Variants in SPAG17 observed in about 807,000 individuals in gnomAD.
SPAG17 encodes the protein sperm-associated antigen 17.
SPAG17 carries 169 observed loss-of-function variants against 273.6 expected under a neutral mutation model. That is an observed-to-expected ratio of 0.62 (90% CI 0.55 to 0.70). The LOEUF (loss-of-function observed/expected upper bound fraction) is 0.70, where lower values mean the gene tolerates loss of function less well. SPAG17 is among the 30% of genes least tolerant of loss of function. The pLI is 0.00. For missense variants in SPAG17, 2,557 were observed against 2,627.8 expected (o/e 0.97, Z 0.59); for synonymous variants, 825 against 873.2 (o/e 0.94, Z 0.97).
chr1:118,016,593 T>C (rs1166925509), intron 28 of SPAG17, among the ~76,000 whole-genome samples: 2 of 152,222 alleles, frequency 1.3e-5, no homozygotes, highest in African/African-American at 2.4e-5. Flanking sequence ...TTTGACATAT[T>C]GGACTATAAC....
intron 3 of SPAG17, among the ~76,000 whole-genome samples, chr1:118,134,146 A>G (rs1263986210): frequency 1.3e-5 from 2 of 152,244 alleles, no homozygotes; most frequent in Non-Finnish European, 2.9e-5. Context: ...CAGTAATTCT[A>G]CTTTATGAAA....
chr1:118,088,911 C>A (rs961662926), intron 10 of SPAG17, among the ~76,000 whole-genome samples: 22 of 152,116 alleles, frequency 1.4e-4, no homozygotes, highest in African/African-American at 5.1e-4. Context: ...AGATAGAAGA[C>A]TTTCTTAGAA....
chr1:118,046,522 T>C (rs543459754), intron 20 of SPAG17, among the ~76,000 whole-genome samples: 1 of 152,098 alleles, frequency 6.6e-6, no homozygotes, highest in South Asian at 2.1e-4. Flanking sequence ...TAAATTATAC[T>C]GAAATTAAGT....
chr1:118,109,266 C>T (rs1467749665), intron 4 of SPAG17, among the ~76,000 whole-genome samples: 1 of 150,164 alleles, frequency 6.7e-6, no homozygotes, highest in African/African-American at 2.5e-5. Context: ...CTAATGTAGG[C>T]TGGGTGTGGT....
chr1:118,157,374 T>G (rs1659706267), intron 1 of SPAG17, among the ~76,000 whole-genome samples: 1 of 152,152 alleles, frequency 6.6e-6, no homozygotes, highest in Non-Finnish European at 1.5e-5. Flanking sequence ...ATTAAGAGTC[T>G]GCTGATGTTG....
At chr1:118,146,929 T>C (rs1570776103) in intron 3 of SPAG17, among the ~76,000 whole-genome samples, 1 of 152,268 alleles carries the variant, frequency 6.6e-6, no homozygotes, top group African/African-American at 2.4e-5. Flanking sequence ...CAAATGGCAA[T>C]GTTTCCACAA....
intron 42 of SPAG17, among the ~76,000 whole-genome samples, chr1:117,983,575 T>C (rs947828756): frequency 2.6e-5 from 4 of 152,250 alleles, no homozygotes; most frequent in African/African-American, 7.2e-5. Context: ...ATTACTTCCT[T>C]GCTTTTTAAA....
intron 18 of SPAG17, among the ~76,000 whole-genome samples, chr1:118,066,512 G>A (rs1425992633): frequency 6.6e-6 from 1 of 152,160 alleles, no homozygotes; most frequent in East Asian, 1.9e-4. Context: ...GATTCCACGA[G>A]GGCAAGAATG....
At chr1:118,135,109 C>T (rs1658264644) in intron 3 of SPAG17, among the ~76,000 whole-genome samples, 1 of 152,162 alleles carries the variant, frequency 6.6e-6, no homozygotes, top group Non-Finnish European at 1.5e-5. Flanking sequence ...ACACAAATTA[C>T]CCAGATCTTT....
intron 4 of SPAG17, among the ~76,000 whole-genome samples, chr1:118,111,416 G>A (rs568433309): frequency 1.3e-5 from 2 of 152,086 alleles, no homozygotes; most frequent in African/African-American, 4.8e-5. Context: ...GAAACCACAC[G>A]GGTCCTTCTA....
Position 118,125,346 on chromosome 1 carries a change from T to C in SPAG17, c.316-9905A>G, listed in dbSNP as rs146058492. Among the ~76,000 whole-genome samples the C allele has an allele frequency of 4.2e-3, 641 of 152,264 alleles. 4 individuals carry two copies. Among genetic ancestry groups the C allele is most frequent in the African/African-American group, 0.015 (609 of 41,532 alleles). Reference sequence around the variant, plus strand: ...ATTAAATCAGGGTAATTAGCATATCTATCACCTCAAACACTTATCATTTCT... The same window carrying C: ...ATTAAATCAGGGTAATTAGCATATCCATCACCTCAAACACTTATCATTTCT... On this transcript the variant is annotated intron_variant, in intron 3 of 48. Coordinates refer to ENST00000336338, the MANE Select transcript of SPAG17 (RefSeq NM_206996.4).
chr1:118,162,716 G>C (rs1268240953), intron 1 of SPAG17, among the ~76,000 whole-genome samples: 1 of 152,110 alleles, frequency 6.6e-6, no homozygotes, highest in Non-Finnish European at 1.5e-5. Context: ...GAATAACATG[G>C]AGCCCAAATT....
chr1:118,022,664 T>C (rs979800469), intron 28 of SPAG17, among the ~76,000 whole-genome samples: 3 of 152,186 alleles, frequency 2.0e-5, no homozygotes, highest in Non-Finnish European at 4.4e-5. Context: ...GCAGACACTG[T>C]TCATTGCTTA....
chr1:118,093,324 G>A lies in SPAG17; in HGVS notation c.1012-7C>T. On this transcript the variant is annotated splice_polypyrimidine_tract_variant and splice_region_variant and intron_variant, in intron 7 of 48. Transcript: ENST00000336338. ...TATCAGTGCCCAATTTCAGCTACAA[G>A]TGAGAGATTTAATGGCAATTGGTTA... 3.8e-6 allele frequency: 6 copies of A among 1,599,862 alleles called. No homozygotes were observed. Among genetic ancestry groups the A allele is most frequent in the Non-Finnish European group, 5.1e-6 (6 of 1,172,144 alleles).
In SPAG17 at chr1:118,151,320, T is replaced by C; in HGVS notation, c.137A>G (p.Asp46Gly). 6.2e-7 allele frequency: 1 copy of C among 1,613,170 alleles called. No individual in the cohort carries two copies. Among genetic ancestry groups the C allele is most frequent in the Non-Finnish European group, 8.5e-7 (1 of 1,179,392 alleles). The change falls in exon 2 of 49, where the codon GAT (aspartate) becomes GGT (glycine). Residue 46 changes from aspartate to glycine, a missense_variant. Transcript: ENST00000336338. ...GGTAAGGGCTTGGATGAGAAGATCA[T>C]CTTCAATCTGGTTCCCAACCACAAA... ...IAFVVGNQIE[D>G]DLLIQALTVA...
intron 42 of SPAG17, among the ~76,000 whole-genome samples, chr1:117,982,176 C>A (rs775834048): frequency 3.3e-5 from 5 of 151,738 alleles, no homozygotes; most frequent in Non-Finnish European, 7.4e-5. Flanking sequence ...CTATTGTATG[C>A]GTTCATTATA....
chr1:118,112,146 T>C (rs1460799329), intron 4 of SPAG17, among the ~76,000 whole-genome samples: 1 of 152,060 alleles, frequency 6.6e-6, no homozygotes, highest in Non-Finnish European at 1.5e-5. Flanking sequence ...GTGTTTTCTT[T>C]TAGTTGAATT....
chr1:118,108,312 C>A (rs985309728), intron 4 of SPAG17, among the ~76,000 whole-genome samples: 1 of 152,162 alleles, frequency 6.6e-6, no homozygotes, highest in African/African-American at 2.4e-5. Flanking sequence ...TTGTACCAAG[C>A]CCCAATCATA....
In SPAG17 at chr1:118,039,346, C is replaced by A. The variant is rs1430365988; in HGVS notation, c.3265G>T (p.Asp1089Tyr). ...TCTTCTTCCTCTTCTAAATAATAATCCCCTTTCTCTTCCTTTTTCACAATT... is the reference window on the plus strand; with the variant it reads ...TCTTCTTCCTCTTCTAAATAATAATACCCTTTCTCTTCCTTTTTCACAATT... ...KEIVKKEEKG[D>Y]YYLEEEEEGD... is the part of the protein sequence containing the mutation. The change falls in exon 23 of 49, where the codon GAT becomes TAT. Residue 1089 changes from aspartate (D) to tyrosine (Y), a missense_variant. Asp to Tyr is a radical substitution (Grantham distance 160). Transcript: ENST00000336338. 6.2e-7 allele frequency: 1 copy of A among 1,613,344 alleles called. No homozygotes were observed. The highest frequency in any genetic ancestry group is 1.3e-5 in the African/African-American group (1 of 74,882).
Sources: gnomAD v4.1 joint callset for allele counts (sites outside exome capture counted in the v4.1 genomes callset) on GRCh38, gnomAD v4.1.1 for gene constraint, MANE v1.5 for transcripts, NCBI Gene and HGNC (gene_info 2026-07-23, HGNC 2026-07-21) for gene names.